RBM19: variants seen among roughly 807,000 people sequenced by gnomAD.
RBM19 encodes the protein probable RNA-binding protein 19.
In RBM19, 94 loss-of-function variants were observed where a neutral mutation model predicts 116.8. That is an observed-to-expected ratio of 0.80 (90% CI 0.68 to 0.95). The LOEUF (loss-of-function observed/expected upper bound fraction) is 0.95. RBM19 is among the 40% of genes least tolerant of loss of function. RBM19 has a pLI of 0.00. For synonymous variants in RBM19, 475 were observed against 494.1 expected, an observed-to-expected ratio of 0.96 and a Z score of 0.51; for missense variants, 1,161 against 1,220.7, an observed-to-expected ratio of 0.95 and a Z score of 0.73.
Position 113,849,743 on chromosome 12 carries a change from C to T in RBM19, c.2665-4955G>A, listed in dbSNP as rs537334472. Among the ~76,000 whole-genome samples the T allele has an allele frequency of 3.9e-5, 6 of 152,292 alleles. No individual in the cohort carries two copies. In the East Asian group the frequency reaches 7.7e-4, roughly 20 times the overall value. On this transcript the variant is annotated intron_variant, in intron 22 of 23. Coordinates refer to ENST00000261741, the MANE Select transcript of RBM19 (RefSeq NM_016196.4). Reference sequence around the variant, plus strand: ...GGATGCAGGAGTCCAGCAAAACGAACGTCACAGAAGAGAAGCCACCTCTGC... The same window carrying T: ...GGATGCAGGAGTCCAGCAAAACGAATGTCACAGAAGAGAAGCCACCTCTGC...
intron 23 of RBM19, among the ~76,000 whole-genome samples, chr12:113,841,165 T>C (rs931638106): frequency 6.6e-6 from 1 of 152,226 alleles, no homozygotes; most frequent in African/African-American, 2.4e-5. Flanking sequence ...CACCTATGCA[T>C]GTCAGCTTCC....
At chr12:113,844,189 G>A (rs1169162399) in intron 23 of RBM19, among the ~76,000 whole-genome samples, 8 of 152,210 alleles carry the variant, frequency 5.3e-5, no homozygotes, top group East Asian at 3.9e-4. Flanking sequence ...TCAGCCCTCC[G>A]GCAGGAAGTG....
intron 21 of RBM19, among the ~76,000 whole-genome samples, chr12:113,864,934 C>G (rs1402272348): frequency 6.6e-6 from 1 of 152,094 alleles, no homozygotes; most frequent in Non-Finnish European, 1.5e-5. Flanking sequence ...TCCCCAGTTT[C>G]ATGAATATCT....
At position 113,845,764 on chromosome 12, in the gene RBM19, C is replaced by T. The variant is rs189729937; in HGVS notation, c.2665-976G>A. 3.3e-5 allele frequency among the ~76,000 whole-genome samples: 5 copies of T among 152,302 alleles called. No homozygotes were observed. In the East Asian group the frequency reaches 9.6e-4, roughly 29 times the overall value. On this transcript the variant is annotated intron_variant, in intron 22 of 23. Transcript: ENST00000261741. ...ATGGCACTGCACAGGGACGCCCTAA[C>T]TTGATGGGCTCATCCCCAAACACTC...
chr12:113,937,152 T>TGATG lies in RBM19; in HGVS notation c.1939-20_1939-17dup. On this transcript the variant is annotated splice_polypyrimidine_tract_variant and intron_variant, in intron 15 of 23. Coordinates refer to ENST00000261741, the MANE Select transcript of RBM19 (RefSeq NM_016196.4). Reference sequence around the variant, plus strand: ...CATGATGGAACTGCAGAGACAAGAGTGATGGCCCTGTGGGTCTTCATTACA... The same window carrying TGATG: ...CATGATGGAACTGCAGAGACAAGAGTGATGGATGGCCCTGTGGGTCTTCATTACA... 1 of 1,613,248 alleles carries TGATG rather than the reference T, an allele frequency of 6.2e-7. No individual in the cohort carries two copies. The highest frequency in any genetic ancestry group is 8.5e-7 in the Non-Finnish European group (1 of 1,179,714).
At chr12:113,941,722 T>C (rs575742729) in intron 14 of RBM19, among the ~76,000 whole-genome samples, 3 of 152,154 alleles carry the variant, frequency 2.0e-5, no homozygotes, top group South Asian at 4.2e-4. Flanking sequence ...TCCTCATCCA[T>C]CTTGAGGTAA....
chr12:113,932,896 C>T (rs1199695597), intron 16 of RBM19, among the ~76,000 whole-genome samples: 1 of 152,104 alleles, frequency 6.6e-6, no homozygotes, highest in African/African-American at 2.4e-5. Flanking sequence ...GGGAACTGTG[C>T]TTCCATCTGT....
intron 21 of RBM19, among the ~76,000 whole-genome samples, chr12:113,872,357 C>G (rs1246062437): frequency 1.4e-5 from 2 of 145,494 alleles, no homozygotes; most frequent in South Asian, 2.3e-4. Context: ...AGTGAGGAGC[C>G]TCTCTGCCCG....
At chr12:113,889,057 A>G (rs1299924180) in intron 21 of RBM19, among the ~76,000 whole-genome samples, 4 of 152,294 alleles carry the variant, frequency 2.6e-5, no homozygotes, top group South Asian at 4.1e-4. Flanking sequence ...CCGCATGCCA[A>G]CAGAAACACT....
intron 21 of RBM19, among the ~76,000 whole-genome samples, chr12:113,895,446 C>T (rs1881254090): frequency 6.6e-6 from 1 of 152,132 alleles, no homozygotes; most frequent in South Asian, 2.1e-4. Context: ...GTGAAGGATA[C>T]GTACGGCATT....
intron 6 of RBM19, among the ~76,000 whole-genome samples, 176 bp from the exon 7 acceptor site, chr12:113,955,387 G>A (rs538713480): frequency 2.6e-5 from 4 of 152,010 alleles, no homozygotes; most frequent in African/African-American, 9.6e-5. Context: ...GGTGGGGCTA[G>A]GTGATGCCAA....
At chr12:113,961,488 G>C (rs1382732916) in intron 2 of RBM19, among the ~76,000 whole-genome samples, 1 of 152,100 alleles carries the variant, frequency 6.6e-6, no homozygotes, top group Non-Finnish European at 1.5e-5. Context: ...TTAGTATTTT[G>C]GTACAAATCC....
chr12:113,832,975 G>A (rs1875563173), intron 23 of RBM19, among the ~76,000 whole-genome samples: 1 of 152,096 alleles, frequency 6.6e-6, no homozygotes, highest in Non-Finnish European at 1.5e-5. Flanking sequence ...GGGAGGGGGG[G>A]TTAACTCTTG....
At chr12:113,937,386 G>C in intron 15 of RBM19, 1 of 337,286 alleles carries the variant, frequency 3.0e-6, no homozygotes, top group Non-Finnish European at 5.3e-6. Context: ...ACATATGGCA[G>C]CTCCCAGGCC....
intron 21 of RBM19, among the ~76,000 whole-genome samples, chr12:113,871,216 A>G (rs1409588174): frequency 1.3e-5 from 2 of 152,242 alleles, no homozygotes; most frequent in Non-Finnish European, 2.9e-5. Context: ...AAACAAAATG[A>G]TGCCTGAAAC....
chr12:113,880,562 G>A (rs902548091), intron 21 of RBM19, among the ~76,000 whole-genome samples: 13 of 152,112 alleles, frequency 8.5e-5, no homozygotes, highest in African/African-American at 2.7e-4. Flanking sequence ...TCACAGCTGC[G>A]AACGGCGAGA....
intron 3 of RBM19, 30 bp downstream of exon 3, chr12:113,960,029 G>T: frequency 1.2e-6 from 2 of 1,614,130 alleles, no homozygotes; most frequent in Non-Finnish European, 1.7e-6. Context: ...CTGGCAGTGG[G>T]GACAGAGGCT....
At chr12:113,939,676 G>A (rs950669172) in intron 15 of RBM19, among the ~76,000 whole-genome samples, 1 of 151,840 alleles carries the variant, frequency 6.6e-6, no homozygotes, top group East Asian at 2.0e-4. Flanking sequence ...CGTGAACCCG[G>A]GAGGCGGAGC....
intron 5 of RBM19, among the ~76,000 whole-genome samples, chr12:113,958,308 C>G (rs1035111609): frequency 6.6e-6 from 1 of 152,198 alleles, no homozygotes; most frequent in African/African-American, 2.4e-5. Flanking sequence ...TCCTAGTCCT[C>G]TACACGGCAG....
Sources: gnomAD v4.1 joint callset for allele counts (sites outside exome capture counted in the v4.1 genomes callset) on GRCh38, gnomAD v4.1.1 for gene constraint, MANE v1.5 for transcripts, NCBI Gene and HGNC (gene_info 2026-07-23, HGNC 2026-07-21) for gene names.